FGF1: variants seen among roughly 807,000 people sequenced by gnomAD.
FGF1 encodes beta-endothelial cell growth factor.
A neutral mutation model predicts 13.4 loss-of-function variants in FGF1; 9 were observed. The observed-to-expected ratio is 0.67, with a 90% CI of 0.40 to 1.17. FGF1 has a LOEUF of 1.17. FGF1 is among the 50% of genes most tolerant of loss of function. The pLI is 0.01. For missense variants in FGF1, 156 were observed against 192.7 expected (o/e 0.81, Z 1.13); for synonymous variants, 93 against 79.0 (o/e 1.18, Z -0.94).
At chr5:142,611,453 T>G (rs541087328) in intron 2 of FGF1, among the ~76,000 whole-genome samples, 1 of 152,312 alleles carries the variant, frequency 6.6e-6, no homozygotes, top group Non-Finnish European at 1.5e-5. Flanking sequence ...GACACTTCAA[T>G]TTCTAGTCAG....
intron 1 of FGF1, among the ~76,000 whole-genome samples, chr5:142,684,751 C>T (rs11167787): frequency 0.27 from 41,485 of 152,214 alleles, 5,772 homozygotes; most frequent in Middle Eastern, 0.3. Flanking sequence ...GAGGCCCACT[C>T]CTTTCAGCCC....
chr5:142,688,832 C>T (rs948154635), upstream of FGF1, among the ~76,000 whole-genome samples: 15 of 152,212 alleles, frequency 9.9e-5, 1 homozygote, highest in African/African-American at 3.6e-4. Flanking sequence ...GGACTCAATG[C>T]AGAGCACTTA....
Position 142,640,916 on chromosome 5 carries a change from C to A in FGF1, c.-34-26755G>T, listed in dbSNP as rs17217009. The stretch of plus-strand genomic sequence containing the variant: ...TTGGATCTTGTGCACTCCCTTCCCC[C>A]ACAGACATAGACTCTCTCCATATAC... On this transcript the variant is annotated intron_variant, in intron 1 of 3. Transcript: ENST00000337706. Among the ~76,000 whole-genome samples, 632 of 152,108 alleles carry A rather than the reference C, an allele frequency of 4.2e-3. 27 individuals are homozygous for A. The highest frequency in any genetic ancestry group is 0.037 in the Admixed American group (561 of 15,284).
intron 1 of FGF1, among the ~76,000 whole-genome samples, chr5:142,628,648 G>T (rs1460433898): frequency 6.6e-6 from 1 of 152,170 alleles, no homozygotes; most frequent in East Asian, 1.9e-4. Context: ...AACTCCTCAT[G>T]GTTTTTCTCC....
rs765303323 is a variant in FGF1 at position 142,595,366 on chromosome 5, C to T, written c.392G>A (p.Ser131Asn). 1.2e-6 allele frequency: 2 copies of T among 1,614,104 alleles called. No individual in the cohort carries two copies. The highest frequency in any genetic ancestry group is 2.2e-5 in the South Asian group (2 of 91,084). Residue 131 changes from serine (S) to asparagine (N), a missense_variant, in exon 4 of 4, where the codon AGC becomes AAC. Ser to Asn is a conservative substitution (Grantham distance 46, BLOSUM62 1). Coordinates refer to ENST00000337706, the MANE Select transcript of FGF1 (RefSeq NM_000800.5). ...GTGAGTCCGAGGACCGCGTTTGCAGCTCCCATTCTTCTTGAGGCCAACAAA... is the reference window on the plus strand; with the variant it reads ...GTGAGTCCGAGGACCGCGTTTGCAGTTCCCATTCTTCTTGAGGCCAACAAA... ...NWFVGLKKNG[S>N]CKRGPRTHYG...
In FGF1 at chr5:142,593,893, GT is replaced by G. The variant is rs943322799; in HGVS notation, c.*1396del. ...CTAATTTGCTAGCCACCTGGGTCAA[GT>G]TTAAGCAGGAAGTGTATTTATACAA... On this transcript the variant is annotated 3_prime_UTR_variant, in exon 4 of 4. Coordinates refer to ENST00000337706, the MANE Select transcript of FGF1 (RefSeq NM_000800.5). 2.6e-5 allele frequency: 4 copies of G among 152,622 alleles called. No homozygotes were observed. Among genetic ancestry groups the G allele is most frequent in the African/African-American group, 9.7e-5 (4 of 41,436 alleles). The allele number at this position is 152,622 out of a possible 1,614,324, so 9.5% of individuals were successfully genotyped here.
At chr5:142,652,660 G>A (rs1022442512) in intron 1 of FGF1, among the ~76,000 whole-genome samples, 8 of 152,186 alleles carry the variant, frequency 5.3e-5, no homozygotes, top group Non-Finnish European at 1.0e-4. Context: ...TCTCAGCCCT[G>A]GGCCCACACG....
In FGF1 at chr5:142,669,031, G is replaced by A. The variant is rs879407671; in HGVS notation, c.-35+16926C>T. Among the ~76,000 whole-genome samples the A allele has an allele frequency of 4.6e-5, 7 of 152,392 alleles. No homozygotes were observed. The South Asian group carries it at 8.3e-4, about 18-fold the overall frequency. On this transcript the variant is annotated intron_variant, in intron 1 of 3. Transcript: ENST00000337706. ...TGAACAGAGGCCCAGGGGTGGGCAA[G>A]TAGAGGGCATCTTCGCCCAGCATGC...
At chr5:142,608,797 ATG>A (rs3083618) in intron 2 of FGF1, among the ~76,000 whole-genome samples, 104,061 of 144,536 alleles carry the variant, frequency 0.72, 37,804 homozygotes, top group South Asian at 0.86. Flanking sequence ...GTGATATATT[ATG>A]TGTGTGTGTG....
intron 1 of FGF1, among the ~76,000 whole-genome samples, chr5:142,621,699 C>G (rs966325207): frequency 6.6e-6 from 1 of 152,092 alleles, no homozygotes; most frequent in Non-Finnish European, 1.5e-5. Flanking sequence ...AAAACAAAAG[C>G]CTTGCTGTGG....
rs147906849 is a variant in FGF1, at chr5:142,646,788, G to A, written c.-34-32627C>T. On this transcript the variant is annotated intron_variant, in intron 1 of 3. Transcript: ENST00000337706. Reference sequence around the variant, plus strand: ...ATTACAGGTGTGAGCCACTGCGCCCGGCCTTTTCTCTCCTTTTCTATGTGT... The same window carrying A: ...ATTACAGGTGTGAGCCACTGCGCCCAGCCTTTTCTCTCCTTTTCTATGTGT... Among the ~76,000 whole-genome samples, 65 of 152,262 alleles carry A rather than the reference G, an allele frequency of 4.3e-4. 1 individual carries two copies. The East Asian group carries it at 7.9e-3, about 19-fold the overall frequency.
At chr5:142,682,791 A>G (rs1391291166) in intron 1 of FGF1, among the ~76,000 whole-genome samples, 1 of 152,246 alleles carries the variant, frequency 6.6e-6, no homozygotes, top group East Asian at 1.9e-4. Flanking sequence ...GGTTTAAACC[A>G]TGGTGTATTT....
intron 1 of FGF1, among the ~76,000 whole-genome samples, chr5:142,656,820 T>G (rs1418689201): frequency 6.6e-6 from 1 of 152,198 alleles, no homozygotes; most frequent in Non-Finnish European, 1.5e-5. Context: ...GACACATAGA[T>G]AGAAAACTGA....
At chr5:142,682,155 G>A (rs376883750) in intron 1 of FGF1, among the ~76,000 whole-genome samples, 5 of 150,990 alleles carry the variant, frequency 3.3e-5, no homozygotes, top group Non-Finnish European at 5.9e-5. Context: ...GCGCGATCTC[G>A]GCTCGCTGCA....
At chr5:142,614,189 C>T (rs988700087) in intron 1 of FGF1, 28 bp from the exon 2 acceptor site, 28 of 1,577,102 alleles carry the variant, frequency 1.8e-5, no homozygotes, top group African/African-American at 5.4e-5. Context: ...AACCTGTAGT[C>T]GGTTCTTCCA....
intron 1 of FGF1, among the ~76,000 whole-genome samples, chr5:142,667,869 G>A (rs10476842): frequency 6.6e-6 from 1 of 152,192 alleles, no homozygotes; most frequent in Non-Finnish European, 1.5e-5. Context: ...CTAGCCTGAC[G>A]GTGACTGTCT....
intron 1 of FGF1, among the ~76,000 whole-genome samples, chr5:142,615,275 T>G (rs372698378): frequency 4.6e-5 from 7 of 152,236 alleles, no homozygotes; most frequent in East Asian, 3.9e-4. Flanking sequence ...TGGAGTGCAG[T>G]AGCACGATCT....
At chr5:142,673,060 C>T (rs879629491) in intron 1 of FGF1, among the ~76,000 whole-genome samples, 4 of 152,156 alleles carry the variant, frequency 2.6e-5, no homozygotes, top group South Asian at 2.1e-4. Context: ...TATTATTATT[C>T]GATGCAGAAT....
chr5:142,633,744 G>C (rs1763764664), intron 1 of FGF1, among the ~76,000 whole-genome samples: 1 of 152,148 alleles, frequency 6.6e-6, no homozygotes, highest in African/African-American at 2.4e-5. Flanking sequence ...CCAATTTACT[G>C]CTTTGCTATA....
Sources: allele counts gnomAD v4.1 joint callset (sites outside exome capture counted in the v4.1 genomes callset), GRCh38; gene constraint gnomAD v4.1.1; transcripts MANE v1.5; gene names NCBI Gene and HGNC (gene_info 2026-07-23, HGNC 2026-07-21).